The following GALNT14 variants were observed in gnomAD, a reference collection of about 807,000 sequenced individuals.
The protein encoded by GALNT14 is polypeptide N-acetylgalactosaminyltransferase 14.
Under a neutral mutation model 77.5 loss-of-function variants are expected in GALNT14, and 60 were observed. The ratio of observed to expected loss-of-function variants is 0.77; its 90% CI spans 0.63 to 0.96. The LOEUF is 0.96. GALNT14 is among the 40% of genes least tolerant of loss of function. The pLI is 0.00. For synonymous variants in GALNT14, 280 were observed against 281.7 expected (o/e 0.99, Z 0.06); for missense variants, 710 against 731.0 (o/e 0.97, Z 0.33).
At chr2:30,999,332 T>G (rs1158054817) in intron 1 of GALNT14, among the ~76,000 whole-genome samples, 1 of 152,200 alleles carries the variant, frequency 6.6e-6, no homozygotes, top group Non-Finnish European at 1.5e-5. Context: ...CCTGGTAATA[T>G]CTCCCTTTTG....
rs191471649 is a variant in GALNT14 at position 31,108,987 on chromosome 2, G to A, written c.129+28971C>T. On this transcript the variant is annotated intron_variant, in intron 1 of 14. Transcript: ENST00000349752. Reference sequence around the variant, plus strand: ...TCTCCCTAGTCTCAACATCAACCACGGAGAGGGCAAGTAGACCTGATCAAC... The same window carrying A: ...TCTCCCTAGTCTCAACATCAACCACAGAGAGGGCAAGTAGACCTGATCAAC... Among the ~76,000 whole-genome samples the A allele has an allele frequency of 1.3e-3, 202 of 152,258 alleles. 1 individual carries two copies. Among genetic ancestry groups the A allele is most frequent in the Admixed American group, 4.2e-3 (64 of 15,300 alleles).
At chr2:30,908,210 G>A (rs1248229915), downstream of GALNT14, among the ~76,000 whole-genome samples, 2 of 150,998 alleles carry the variant, frequency 1.3e-5, no homozygotes, top group Non-Finnish European at 1.5e-5. Context: ...GTTCTGGCCA[G>A]GGCAATCAGG....
At chr2:31,107,300 C>A (rs868388152) in intron 1 of GALNT14, among the ~76,000 whole-genome samples, 1 of 152,084 alleles carries the variant, frequency 6.6e-6, no homozygotes, top group Non-Finnish European at 1.5e-5. Context: ...CTTCAGGATG[C>A]CCCTTATATC....
chr2:30,903,151 C>T, the GALNT14 span, among the ~76,000 whole-genome samples: 1 of 152,184 alleles, frequency 6.6e-6, no homozygotes, highest in Non-Finnish European at 1.5e-5. Context: ...TGCACACACT[C>T]GACTCTTTAC....
intron 1 of GALNT14, among the ~76,000 whole-genome samples, chr2:31,058,631 G>C (rs1279384670): frequency 6.6e-6 from 1 of 152,144 alleles, no homozygotes; most frequent in East Asian, 1.9e-4. Flanking sequence ...TGTGGGCTCA[G>C]GGCACTAGAT....
At position 31,119,884 on chromosome 2, in the gene GALNT14, C is replaced by T. The variant is rs913996072; in HGVS notation, c.129+18074G>A. 2.8e-4 allele frequency among the ~76,000 whole-genome samples: 21 copies of T among 74,948 alleles called. 5 individuals carry two copies. Among genetic ancestry groups the T allele is most frequent in the Non-Finnish European group, 3.9e-4 (10 of 25,744 alleles). 49.2% of individuals were successfully genotyped at this position (74,948 alleles called of 152,430 possible). A position where few individuals can be genotyped will look rare whatever the true frequency, so the allele number is the denominator to read the frequency against. On this transcript the variant is annotated intron_variant, in intron 1 of 14. Transcript: ENST00000349752. ...TAAAAATAATGAGCTAGGCCGGGCG[C>T]GGTGGCTCACGCCTGTAATCCCAGC...
chr2:30,997,191 A>G (rs1670089144), intron 1 of GALNT14, among the ~76,000 whole-genome samples: 4 of 152,094 alleles, frequency 2.6e-5, no homozygotes, highest in Admixed American at 2.6e-4. Flanking sequence ...CATCTCCTCT[A>G]CTGAGGGTCG....
At chr2:31,089,252 T>C (rs2148596059) in intron 1 of GALNT14, among the ~76,000 whole-genome samples, 1 of 152,302 alleles carries the variant, frequency 6.6e-6, no homozygotes, top group African/African-American at 2.4e-5. Context: ...AAGTAGGATT[T>C]AGGCATGCTT....
intron 1 of GALNT14, among the ~76,000 whole-genome samples, chr2:30,995,100 T>A (rs1669940339): frequency 7.0e-6 from 1 of 142,208 alleles, no homozygotes; most frequent in Non-Finnish European, 1.6e-5. Context: ...AGTATATTAG[T>A]CAGGGTCCTC....
At chr2:31,085,365 C>G (rs1478034832) in intron 1 of GALNT14, among the ~76,000 whole-genome samples, 1 of 152,226 alleles carries the variant, frequency 6.6e-6, no homozygotes, top group Non-Finnish European at 1.5e-5. Context: ...GGGGCTCGTG[C>G]TAAAGCATGA....
intron 6 of GALNT14, among the ~76,000 whole-genome samples, chr2:30,947,981 G>T (rs542115153): frequency 6.6e-6 from 1 of 152,198 alleles, no homozygotes; most frequent in Non-Finnish European, 1.5e-5. Context: ...CTGCCCAGCT[G>T]CCACAGTTCC....
At chr2:31,094,475 C>T (rs1274558418) in intron 1 of GALNT14, among the ~76,000 whole-genome samples, 3 of 152,200 alleles carry the variant, frequency 2.0e-5, no homozygotes, top group Non-Finnish European at 2.9e-5. Context: ...CATTTGGAGG[C>T]CATAACTGTT....
At chr2:31,130,501 A>T (rs1002483233) in intron 1 of GALNT14, among the ~76,000 whole-genome samples, 1 of 152,160 alleles carries the variant, frequency 6.6e-6, no homozygotes, top group Admixed American at 6.5e-5. Flanking sequence ...TGGACAGAAC[A>T]TCAGGAGGAA....
the GALNT14 span, among the ~76,000 whole-genome samples, chr2:30,899,398 C>A: frequency 6.6e-5 from 10 of 152,176 alleles, no homozygotes; most frequent in African/African-American, 2.2e-4. Context: ...GGGCACTCAC[C>A]GCTCCTTGCT....
At chr2:31,059,589 C>G (rs1674456876) in intron 1 of GALNT14, among the ~76,000 whole-genome samples, 2 of 152,116 alleles carry the variant, frequency 1.3e-5, no homozygotes, top group Admixed American at 1.3e-4. Flanking sequence ...GCCTTGAGTC[C>G]CAGCTACTTG....
At chr2:30,927,461 C>A (rs973142618) in intron 11 of GALNT14, among the ~76,000 whole-genome samples, 2 of 152,170 alleles carry the variant, frequency 1.3e-5, no homozygotes, top group Non-Finnish European at 2.9e-5. Context: ...AGAGGCCCTG[C>A]GCCAGGAGGC....
At chr2:31,096,271 T>C (rs182729507) in intron 1 of GALNT14, among the ~76,000 whole-genome samples, 1 of 152,186 alleles carries the variant, frequency 6.6e-6, no homozygotes, top group Non-Finnish European at 1.5e-5. Context: ...CCTCTTGTCA[T>C]GTAACCTACC....
At chr2:30,895,793 C>T in the GALNT14 span, among the ~76,000 whole-genome samples, 68 of 152,286 alleles carry the variant, frequency 4.5e-4, no homozygotes, top group Non-Finnish European at 8.4e-4. Context: ...TTTCCCTGCT[C>T]TCTCTCTCAA....
intron 1 of GALNT14, among the ~76,000 whole-genome samples, chr2:31,033,664 G>A (rs1411518346): frequency 2.0e-5 from 3 of 151,986 alleles, no homozygotes; most frequent in Admixed American, 6.6e-5. Flanking sequence ...TCCCTGGCCT[G>A]CCTGCATCCC....
Sources: allele counts gnomAD v4.1 joint callset (sites outside exome capture counted in the v4.1 genomes callset), GRCh38; gene constraint gnomAD v4.1.1; transcripts MANE v1.5; gene names NCBI Gene and HGNC (gene_info 2026-07-23, HGNC 2026-07-21).